The following SHISA9 variants were observed in gnomAD, a reference collection of about 807,000 sequenced individuals.
The protein encoded by SHISA9 is shisa family member 9, also known as protein shisa-9.
SHISA9 carries 13 observed loss-of-function variants against 38.0 expected under a neutral mutation model. That is an observed-to-expected ratio of 0.34 (90% CI 0.22 to 0.54). The LOEUF (loss-of-function observed/expected upper bound fraction) is 0.54, where lower values mean the gene tolerates loss of function less well. Ranked by LOEUF, SHISA9 falls within the 20% of genes least tolerant of loss-of-function variation. The pLI, the probability that SHISA9 is intolerant of heterozygous loss-of-function variation, is 0.91. For synonymous variants in SHISA9, 275 were observed against 242.0 expected (o/e 1.14, Z -1.27); for missense variants, 538 against 575.8 (o/e 0.93, Z 0.67).
the SHISA9 span, among the ~76,000 whole-genome samples, chr16:13,276,271 T>TATATATATAG: frequency 0.017 from 2,592 of 151,624 alleles, 84 homozygotes; most frequent in African/African-American, 0.06. Context: ...TGCATAGTAT[T>TATATATATAG]CCATCATATA....
At chr16:13,034,370 C>G (rs72784428) in intron 2 of SHISA9, among the ~76,000 whole-genome samples, 1 of 152,136 alleles carries the variant, frequency 6.6e-6, no homozygotes, top group African/African-American at 2.4e-5. Context: ...GCTAGACTTG[C>G]TAATGAGCAG....
At chr16:13,532,947 C>A in the SHISA9 span, among the ~76,000 whole-genome samples, 4 of 152,252 alleles carry the variant, frequency 2.6e-5, no homozygotes, top group South Asian at 8.3e-4. Context: ...CCCCCTACCT[C>A]CAAAAGTCTG....
chr16:13,243,769 GTT>G (rs34605909), downstream of SHISA9, among the ~76,000 whole-genome samples: 114 of 89,802 alleles, frequency 1.3e-3, no homozygotes, highest in South Asian at 0.015. Flanking sequence ...TTACAGCAGC[GTT>G]TTTTTTTTTT....
At chr16:13,069,745 A>G (rs1483306613) in intron 2 of SHISA9, among the ~76,000 whole-genome samples, 1 of 152,018 alleles carries the variant, frequency 6.6e-6, no homozygotes, top group African/African-American at 2.4e-5. Context: ...GTGTGTGCAG[A>G]TGAGGATGTG....
intron 2 of SHISA9, among the ~76,000 whole-genome samples, chr16:12,970,062 A>G (rs753486164): frequency 4.0e-5 from 6 of 151,628 alleles, no homozygotes; most frequent in Non-Finnish European, 8.8e-5. Flanking sequence ...CTTGAACTGA[A>G]CTGTGAATAA....
chr16:13,326,394 G>C, the SHISA9 span, among the ~76,000 whole-genome samples: 1 of 152,216 alleles, frequency 6.6e-6, no homozygotes, highest in Non-Finnish European at 1.5e-5. Context: ...GAAGGTCAGT[G>C]GTTTCCAGTC....
chr16:13,529,628 G>T, the SHISA9 span, among the ~76,000 whole-genome samples: 3 of 152,190 alleles, frequency 2.0e-5, no homozygotes, highest in South Asian at 2.1e-4. Flanking sequence ...CTGCAGTCAC[G>T]CATATTGGCT....
chr16:13,171,314 G>A (rs1323682509), intron 2 of SHISA9, among the ~76,000 whole-genome samples: 2 of 152,150 alleles, frequency 1.3e-5, no homozygotes, highest in East Asian at 1.9e-4. Context: ...CATGAGATTT[G>A]GGGCAGGGGA....
chr16:13,143,150 C>T (rs572427426), intron 2 of SHISA9, among the ~76,000 whole-genome samples: 30 of 151,916 alleles, frequency 2.0e-4, no homozygotes, highest in African/African-American at 6.5e-4. Flanking sequence ...GGGATACAGG[C>T]GTGTGCTACC....
the SHISA9 span, among the ~76,000 whole-genome samples, chr16:13,522,798 C>T: frequency 6.6e-6 from 1 of 152,202 alleles, no homozygotes; most frequent in African/African-American, 2.4e-5. Flanking sequence ...AGCTAGTTTA[C>T]AGCCAGACAC....
chr16:13,275,217 G>C, the SHISA9 span, among the ~76,000 whole-genome samples: 2 of 152,030 alleles, frequency 1.3e-5, no homozygotes, highest in South Asian at 4.2e-4. Context: ...TATTAATATT[G>C]GTTGTTTTTC....
chr16:13,019,812 CTTTCTTT>C (rs1266689331), intron 2 of SHISA9, among the ~76,000 whole-genome samples: 11 of 140,278 alleles, frequency 7.8e-5, no homozygotes, highest in Non-Finnish European at 1.2e-4. Flanking sequence ...TTCTTTCTTT[CTTTCTTT>C]CTTTCTTTCT....
the SHISA9 span, among the ~76,000 whole-genome samples, chr16:13,557,414 A>G: frequency 2.0e-5 from 3 of 152,230 alleles, no homozygotes; most frequent in African/African-American, 7.2e-5. Context: ...GCCACTAAGG[A>G]GAAGCTCAGC....
rs2051381953 is a variant in SHISA9, at chr16:13,236,163, A to G, written c.*754A>G. 1 of 152,024 alleles carries G rather than the reference A, an allele frequency of 6.6e-6. No homozygotes were observed. The highest frequency in any genetic ancestry group is 2.4e-5 in the African/African-American group (1 of 41,370). 9.4% of individuals were successfully genotyped at this position (152,024 alleles called of 1,614,324 possible). ...CAAAAAACAAAAAACATTTTAGAGA[A>G]CTCCCATAAGGACCATGACCGTGGA... is the stretch of plus-strand genomic sequence containing the variant. On this transcript the variant is annotated 3_prime_UTR_variant, in exon 5 of 5. Transcript: ENST00000558583.
chr16:12,983,327 C>G (rs939852115), intron 2 of SHISA9, among the ~76,000 whole-genome samples: 1 of 152,160 alleles, frequency 6.6e-6, no homozygotes, highest in Non-Finnish European at 1.5e-5. Flanking sequence ...CCTCTTGGAA[C>G]CTTGGTTTCT....
chr16:13,515,788 A>C, the SHISA9 span, among the ~76,000 whole-genome samples: 93 of 152,314 alleles, frequency 6.1e-4, 1 homozygote, highest in African/African-American at 2.0e-3. Context: ...AGAATTTACC[A>C]CCTTATTTTG....
chr16:13,244,723 A>G (rs575939532), downstream of SHISA9, among the ~76,000 whole-genome samples: 2 of 152,206 alleles, frequency 1.3e-5, no homozygotes, highest in Non-Finnish European at 2.9e-5. Flanking sequence ...TAACGCCTGC[A>G]TTGTTCTAGG....
At chr16:12,939,394 T>G (rs1027822366) in intron 2 of SHISA9, among the ~76,000 whole-genome samples, 1 of 152,068 alleles carries the variant, frequency 6.6e-6, no homozygotes, top group Non-Finnish European at 1.5e-5. Flanking sequence ...AGGAAGTAGT[T>G]TCTTTTGAAT....
chr16:12,936,259 A>C (rs560246361), intron 2 of SHISA9, among the ~76,000 whole-genome samples: 16 of 152,280 alleles, frequency 1.1e-4, no homozygotes, highest in South Asian at 2.1e-4. Context: ...CCCTTCTCCA[A>C]AGCCTTTTGA....
Sources: gnomAD v4.1 joint callset for allele counts (sites outside exome capture counted in the v4.1 genomes callset) on GRCh38, gnomAD v4.1.1 for gene constraint, MANE v1.5 for transcripts, NCBI Gene and HGNC (gene_info 2026-07-23, HGNC 2026-07-21) for gene names.